NRG1: variants seen among roughly 807,000 people sequenced by gnomAD.
NRG1 encodes neuregulin 1.
In NRG1, 18 loss-of-function variants were observed where a neutral mutation model predicts 63.8. That is an observed-to-expected ratio of 0.28 (90% CI 0.19 to 0.42). The LOEUF is 0.42. NRG1 is among the 10% of genes least tolerant of loss of function. The pLI, the probability that NRG1 is intolerant of heterozygous loss-of-function variation, is 1.00. For missense variants in NRG1, 762 were observed against 814.7 expected (o/e 0.94, Z 0.79); for synonymous variants, 302 against 301.3 (o/e 1.00, Z -0.02).
At position 32,303,392 on chromosome 8, in the gene NRG1, CTT is replaced by C. The variant is rs1466760372; in HGVS notation, c.38-292435_38-292434del. Among the ~76,000 whole-genome samples the C allele has an allele frequency of 7.9e-5, 12 of 151,708 alleles. 1 individual carries two copies. The highest frequency in any genetic ancestry group is 2.0e-4 in the Admixed American group (3 of 15,242). On this transcript the variant is annotated intron_variant, in intron 1 of 10. Transcript: ENST00000519301. ...AAAAAAAGAGTGCATCTTAAAATGA[CTT>C]AACACACACAACTGCAGAAGGTGGA... is the stretch of plus-strand genomic sequence containing the variant.
At chr8:32,355,052 A>G (rs1369975608) in intron 1 of NRG1, among the ~76,000 whole-genome samples, 4 of 152,094 alleles carry the variant, frequency 2.6e-5, no homozygotes, top group Admixed American at 6.6e-5. Flanking sequence ...TCTTGAATGG[A>G]AAAAGATTTT....
chr8:32,694,337 T>C (rs1286473864), intron 5 of NRG1, among the ~76,000 whole-genome samples: 1 of 152,212 alleles, frequency 6.6e-6, no homozygotes, highest in African/African-American at 2.4e-5. Flanking sequence ...TAGATAAGTG[T>C]TCCAATTTAA....
chr8:32,209,640 T>C (rs1253906250), intron 1 of NRG1, among the ~76,000 whole-genome samples: 4 of 152,202 alleles, frequency 2.6e-5, no homozygotes, highest in Non-Finnish European at 5.9e-5. Context: ...TGTATTTGCT[T>C]TTATCAAATG....
At chr8:31,709,689 A>G (rs1811543837) in intron 1 of NRG1, among the ~76,000 whole-genome samples, 2 of 152,002 alleles carry the variant, frequency 1.3e-5, no homozygotes, top group African/African-American at 4.8e-5. Context: ...TGAATTATAC[A>G]TTACTAGAAA....
rs1836733693 is a variant in NRG1, at chr8:32,562,994, G to A, written c.100+14168G>A. Among the ~76,000 whole-genome samples, 6 of 152,290 alleles carry A rather than the reference G, an allele frequency of 3.9e-5. No homozygotes were observed. In the South Asian group the frequency reaches 1.2e-3, roughly 32 times the overall value. On this transcript the variant is annotated intron_variant, in intron 1 of 11. Coordinates refer to ENST00000356819, the Ensembl canonical transcript of NRG1. ...AGTGGTCTCTGATTTGGTGTGATGT[G>A]TTCCTGGTATGTTTTCGCTTAGAAC...
At chr8:32,427,551 A>G (rs1817550279) in intron 1 of NRG1, among the ~76,000 whole-genome samples, 2 of 152,210 alleles carry the variant, frequency 1.3e-5, no homozygotes. Context: ...CAATATGCCA[A>G]TCATCTTGTT....
At position 32,233,274 on chromosome 8, in the gene NRG1, T is replaced by A. The variant is rs547722612; in HGVS notation, c.38-362554T>A. On this transcript the variant is annotated intron_variant, in intron 1 of 10. Coordinates refer to the NRG1 transcript ENST00000519301. Reference sequence around the variant, plus strand: ...GTGCCACCATGCTTGGCTAATTTTTTAAAAATTTCCTATTTCTTGTAGAGA... The same window carrying A: ...GTGCCACCATGCTTGGCTAATTTTTAAAAAATTTCCTATTTCTTGTAGAGA... Among the ~76,000 whole-genome samples the A allele has an allele frequency of 9.9e-5, 15 of 151,708 alleles. No homozygotes were observed. In the East Asian group the frequency reaches 1.4e-3, roughly 14 times the overall value.
chr8:32,208,579 C>T (rs1467136604), intron 1 of NRG1, among the ~76,000 whole-genome samples: 2 of 151,998 alleles, frequency 1.3e-5, no homozygotes, highest in Non-Finnish European at 2.9e-5. Flanking sequence ...TTTTTAAAAA[C>T]TATTTGACCA....
intron 1 of NRG1, among the ~76,000 whole-genome samples, chr8:31,811,834 A>G (rs1822918767): frequency 6.6e-6 from 1 of 152,170 alleles, no homozygotes. Flanking sequence ...TTATGCATTA[A>G]TTGGATTGCT....
At chr8:32,397,025 C>G (rs1231526354) in intron 1 of NRG1, among the ~76,000 whole-genome samples, 1 of 152,030 alleles carries the variant, frequency 6.6e-6, no homozygotes. Context: ...AGAGGAGTAC[C>G]CCACTTTCTC....
chr8:32,739,047 C>G (rs1022001269), intron 6 of NRG1, among the ~76,000 whole-genome samples: 1 of 152,142 alleles, frequency 6.6e-6, no homozygotes. Flanking sequence ...TATCATTTCC[C>G]AGAACCTTAG....
At chr8:32,345,872 G>T (rs985708868) in intron 1 of NRG1, among the ~76,000 whole-genome samples, 1 of 151,792 alleles carries the variant, frequency 6.6e-6, no homozygotes, top group Non-Finnish European at 1.5e-5. Flanking sequence ...GCTGGGCATG[G>T]TGGCACGTGC....
intron 1 of NRG1, among the ~76,000 whole-genome samples, chr8:31,876,373 G>T (rs1169593105): frequency 6.6e-6 from 1 of 152,200 alleles, no homozygotes; most frequent in Non-Finnish European, 1.5e-5. Flanking sequence ...TCTGTTTGAG[G>T]TTGGAAAATC....
At chr8:32,484,056 T>C (rs1825629125) in intron 1 of NRG1, among the ~76,000 whole-genome samples, 1 of 148,888 alleles carries the variant, frequency 6.7e-6, no homozygotes, top group Non-Finnish European at 1.5e-5. Flanking sequence ...TGAGCCAAGA[T>C]CGCACCACTG....
At chr8:31,773,201 G>A (rs545998663) in intron 1 of NRG1, among the ~76,000 whole-genome samples, 2 of 152,150 alleles carry the variant, frequency 1.3e-5, no homozygotes, top group Non-Finnish European at 2.9e-5. Context: ...TTTTAAAAAG[G>A]GGAAAGTGTG....
At chr8:32,354,354 G>A (rs1016302733) in intron 1 of NRG1, among the ~76,000 whole-genome samples, 6 of 147,786 alleles carry the variant, frequency 4.1e-5, no homozygotes, top group Non-Finnish European at 1.5e-5. Context: ...GGGAGACAGA[G>A]TGAGACTCCA....
chr8:32,519,595 A>T (rs1830145144), intron 1 of NRG1, among the ~76,000 whole-genome samples: 1 of 152,132 alleles, frequency 6.6e-6, no homozygotes. Context: ...CCTAAGATAA[A>T]CTAACAATAA....
At chr8:32,433,665 G>A (rs1205658161) in intron 1 of NRG1, among the ~76,000 whole-genome samples, 8 of 151,948 alleles carry the variant, frequency 5.3e-5, no homozygotes, top group Non-Finnish European at 1.0e-4. Flanking sequence ...GTATTGTTTC[G>A]GTGCCCGGCA....
At chr8:32,085,422 G>A (rs987075096) in intron 1 of NRG1, among the ~76,000 whole-genome samples, 4 of 152,158 alleles carry the variant, frequency 2.6e-5, no homozygotes, top group African/African-American at 9.7e-5. Context: ...CATTTGTTTT[G>A]TATTTTAATT....
Sources: gnomAD v4.1 joint callset for allele counts (sites outside exome capture counted in the v4.1 genomes callset) on GRCh38, gnomAD v4.1.1 for gene constraint, MANE v1.5 for transcripts, NCBI Gene and HGNC (gene_info 2026-07-23, HGNC 2026-07-21) for gene names.